DSG3: variants seen among roughly 807,000 people sequenced by gnomAD.
DSG3 encodes desmoglein 3.
Under a neutral mutation model 85.9 loss-of-function variants are expected in DSG3, and 63 were observed. That is an observed-to-expected ratio of 0.73 (90% CI 0.60 to 0.90). The LOEUF is 0.90. Among genes scored for constraint, DSG3 ranks in the 40% least tolerant of loss-of-function variants. DSG3 has a pLI of 0.00. For missense variants in DSG3, 1,220 were observed against 1,219.9 expected (o/e 1.00, Z 0.00); for synonymous variants, 447 against 441.9 (o/e 1.01, Z -0.14).
chr18:31,457,585 C>CTTTCTTTCTTTCT (rs1555666278), intron 3 of DSG3, among the ~76,000 whole-genome samples: 1 of 61,184 alleles, frequency 1.6e-5, no homozygotes, highest in African/African-American at 6.6e-5. Flanking sequence ...TTCTTTCTTT[C>CTTTCTTTCTTTCT]TTCTTTCTTT....
chr18:31,466,473 T>G, intron 10 of DSG3, 57 bp from the exon 11 acceptor site: 1 of 1,506,072 alleles, frequency 6.6e-7, no homozygotes, highest in Non-Finnish European at 9.2e-7. Flanking sequence ...AAGATTCTCC[T>G]TTTTTGTACA....
intron 1 of DSG3, among the ~76,000 whole-genome samples, chr18:31,451,235 T>G (rs1327580591): frequency 6.6e-6 from 1 of 152,232 alleles, no homozygotes; most frequent in Non-Finnish European, 1.5e-5. Flanking sequence ...CATTGTGTTT[T>G]GTAGTCCACC....
At chr18:31,472,088 T>G (rs1173616365) in intron 12 of DSG3, among the ~76,000 whole-genome samples, 196 bp from the exon 13 acceptor site, 3 of 152,236 alleles carry the variant, frequency 2.0e-5, no homozygotes, top group Admixed American at 2.0e-4. Context: ...TCTCCTTCAG[T>G]TTCATAATCA....
At chr18:31,467,851 T>C (rs1219328825) in intron 11 of DSG3, among the ~76,000 whole-genome samples, 1 of 152,238 alleles carries the variant, frequency 6.6e-6, no homozygotes, top group African/African-American at 2.4e-5. Context: ...ATCTTCATGG[T>C]CATCTTTCCT....
intron 3 of DSG3, among the ~76,000 whole-genome samples, chr18:31,457,573 CT>C (rs377313127): frequency 1.7e-4 from 19 of 113,366 alleles, no homozygotes; most frequent in African/African-American, 4.5e-4. Flanking sequence ...TTCTTTCTTT[CT>C]TTCTTTCTTT....
At position 31,476,374 on chromosome 18, in the gene DSG3, C is replaced by T; in HGVS notation, c.*114C>T. The T allele has an allele frequency of 1.7e-6, 2 of 1,202,644 alleles. No individual in the cohort carries two copies. Among genetic ancestry groups the T allele is most frequent in the Admixed American group, 4.9e-5 (2 of 40,952 alleles). The allele number at this position is 1,202,644 out of a possible 1,614,324, so 74.5% of individuals were successfully genotyped here. A position where few individuals can be genotyped will look rare whatever the true frequency, so the allele number is the denominator to read the frequency against. The stretch of plus-strand genomic sequence containing the variant: ...CTAATAATTTGGCACTTATTAGCTT[C>T]TCTCATAAACTGATCACGATTATAA... On this transcript the variant is annotated 3_prime_UTR_variant, in exon 16 of 16. Coordinates refer to ENST00000257189, the MANE Select transcript of DSG3 (RefSeq NM_001944.3).
At chr18:31,457,608 C>A (rs2072756311) in intron 3 of DSG3, among the ~76,000 whole-genome samples, 1 of 97,432 alleles carries the variant, frequency 1.0e-5, no homozygotes, top group African/African-American at 5.1e-5. Flanking sequence ...TTCTTTCTTT[C>A]TTTCTTTCTT....
At chr18:31,471,773 A>C (rs2072857000) in intron 12 of DSG3, among the ~76,000 whole-genome samples, 1 of 152,262 alleles carries the variant, frequency 6.6e-6, no homozygotes, top group Non-Finnish European at 1.5e-5. Flanking sequence ...GCCATTGATT[A>C]GGCTATCACC....
intron 12 of DSG3, among the ~76,000 whole-genome samples, chr18:31,469,836 C>G (rs968012112): frequency 5.3e-5 from 8 of 151,940 alleles, no homozygotes; most frequent in African/African-American, 1.9e-4. Context: ...AATTAACCCC[C>G]ACTAATATTA....
intron 1 of DSG3, among the ~76,000 whole-genome samples, chr18:31,452,334 C>T (rs1250745885): frequency 6.6e-6 from 1 of 151,976 alleles, no homozygotes; most frequent in Admixed American, 6.6e-5. Context: ...TCCTGGCCAA[C>T]ATGGTGAAGC....
intron 9 of DSG3, among the ~76,000 whole-genome samples, chr18:31,465,099 C>T (rs567053760): frequency 3.4e-5 from 5 of 147,766 alleles, no homozygotes; most frequent in African/African-American, 1.0e-4. Flanking sequence ...CACTCCAGCC[C>T]GGGCAACAAG....
At chr18:31,448,005 T>A in intron 1 of DSG3, 80 bp downstream of exon 1, 2 of 1,097,730 alleles carry the variant, frequency 1.8e-6, no homozygotes, top group Non-Finnish European at 2.5e-6. Context: ...GATTGCACAA[T>A]CTTTATTATA....
intron 3 of DSG3, among the ~76,000 whole-genome samples, chr18:31,457,991 CAATAAT>C (rs908728845): frequency 1.3e-5 from 2 of 152,208 alleles, no homozygotes; most frequent in African/African-American, 4.8e-5. Context: ...TTTAAAATTA[CAATAAT>C]AATAAGTAAA....
At chr18:31,462,399 G>C (rs1194275969) in intron 8 of DSG3, among the ~76,000 whole-genome samples, 2 of 152,166 alleles carry the variant, frequency 1.3e-5, no homozygotes, top group African/African-American at 2.4e-5. Flanking sequence ...GATTCTATGA[G>C]AGCGTCCTTA....
At chr18:31,466,488 T>C (rs761329741) in intron 10 of DSG3, 42 bp from the exon 11 acceptor site, 2 of 1,562,260 alleles carry the variant, frequency 1.3e-6, no homozygotes, top group Non-Finnish European at 1.8e-6. Flanking sequence ...TGTACAACTT[T>C]GTTCTATACA....
intron 11 of DSG3, among the ~76,000 whole-genome samples, chr18:31,467,490 A>T (rs145977924): frequency 6.6e-6 from 1 of 152,364 alleles, no homozygotes; most frequent in African/African-American, 2.4e-5. Context: ...AGTGCCGCTT[A>T]CACTATCACT....
At position 31,472,874 on chromosome 18, in the gene DSG3, T is replaced by G; in HGVS notation, c.2101+86T>G. 3.1e-6 allele frequency: 4 copies of G among 1,274,868 alleles called. No individual in the cohort carries two copies. In the South Asian group the frequency reaches 3.7e-5, roughly 12 times the overall value. 79.0% of individuals were successfully genotyped at this position (1,274,868 alleles called of 1,614,324 possible). Reference sequence around the variant, plus strand: ...AGAAGTGTTCAAACTATCTTCTTAATAATTTGCATCTGTGTGCACATGTCA... The same window carrying G: ...AGAAGTGTTCAAACTATCTTCTTAAGAATTTGCATCTGTGTGCACATGTCA... On this transcript the variant is annotated intron_variant, in intron 14 of 15. Coordinates refer to ENST00000257189, the MANE Select transcript of DSG3 (RefSeq NM_001944.3).
chr18:31,463,536 C>G (rs58206990), intron 8 of DSG3, among the ~76,000 whole-genome samples: 1 of 152,172 alleles, frequency 6.6e-6, no homozygotes, highest in Non-Finnish European at 1.5e-5. Context: ...GGCTATCATG[C>G]AAGACCTTCT....
Position 31,475,979 on chromosome 18 carries a change from G to T in DSG3, c.2719G>T (p.Ala907Ser). 4 of 1,614,192 alleles carry T rather than the reference G, an allele frequency of 2.5e-6. No individual in the cohort carries two copies. The highest frequency in any genetic ancestry group is 3.4e-6 in the Non-Finnish European group (4 of 1,180,044). The change falls in exon 16 of 16, where the codon GCT (alanine) becomes TCT (serine). Residue 907 changes from alanine (A) to serine (S), a missense_variant. Ala to Ser is a moderately conservative substitution (Grantham distance 99). Transcript: ENST00000257189. ...KCQTLSGSQG[A>S]SALSTSGSVQ... Reference sequence around the variant, plus strand: ...CCAGACTTTGTCAGGAAGTCAAGGAGCTTCTGCTTTGTCCACCTCTGGGTC... The same window carrying T: ...CCAGACTTTGTCAGGAAGTCAAGGATCTTCTGCTTTGTCCACCTCTGGGTC...
Sources: gnomAD v4.1 joint callset for allele counts (sites outside exome capture counted in the v4.1 genomes callset) on GRCh38, gnomAD v4.1.1 for gene constraint, MANE v1.5 for transcripts, NCBI Gene and HGNC (gene_info 2026-07-23, HGNC 2026-07-21) for gene names.